Variants in ARHGAP26 observed in about 807,000 individuals in gnomAD.
ARHGAP26 encodes rho GTPase-activating protein 26.
In ARHGAP26, 38 loss-of-function variants were observed where a neutral mutation model predicts 104.8. The ratio of observed to expected loss-of-function variants is 0.36; its 90% CI spans 0.28 to 0.48. The LOEUF (loss-of-function observed/expected upper bound fraction) is 0.48. Ranked by LOEUF, ARHGAP26 falls within the 20% of genes least tolerant of loss-of-function variation. The probability of loss-of-function intolerance (pLI) is 0.99; values close to 1 mark genes in which losing one functional copy is unlikely to be tolerated. For missense variants in ARHGAP26, 704 were observed against 947.9 expected (o/e 0.74, Z 3.38); for synonymous variants, 341 against 340.0 (o/e 1.00, Z -0.03).
intron 17 of ARHGAP26, among the ~76,000 whole-genome samples, chr5:143,079,872 C>T (rs1789556847): frequency 6.6e-6 from 1 of 152,166 alleles, no homozygotes; most frequent in South Asian, 2.1e-4. Context: ...CAGGATTCTC[C>T]TGGTGCCCAA....
At chr5:143,182,648 G>T (rs1050930283) in intron 20 of ARHGAP26, among the ~76,000 whole-genome samples, 7 of 152,112 alleles carry the variant, frequency 4.6e-5, no homozygotes, top group African/African-American at 1.2e-4. Flanking sequence ...CTAGCTAATT[G>T]GCCTAGGAGA....
At chr5:143,117,335 A>ATAATGGATGGCTG (rs1049576311) in intron 17 of ARHGAP26, among the ~76,000 whole-genome samples, 8 of 152,206 alleles carry the variant, frequency 5.3e-5, no homozygotes, top group African/African-American at 1.9e-4. Context: ...TCATCGAGCT[A>ATAATGGATGGCTG]TAATGGATGG....
At chr5:143,162,363 A>G (rs1391224532) in intron 20 of ARHGAP26, among the ~76,000 whole-genome samples, 3 of 152,096 alleles carry the variant, frequency 2.0e-5, no homozygotes, top group African/African-American at 4.8e-5. Flanking sequence ...AAGTAGAATT[A>G]GAGGAAATAT....
chr5:142,933,369 A>T (rs1424226983), intron 11 of ARHGAP26, among the ~76,000 whole-genome samples: 1 of 152,192 alleles, frequency 6.6e-6, no homozygotes, highest in Non-Finnish European at 1.5e-5. Context: ...TCCATTTTAT[A>T]GATAAGTAAA....
At chr5:142,846,282 C>G (rs1771926440) in intron 1 of ARHGAP26, among the ~76,000 whole-genome samples, 1 of 152,118 alleles carries the variant, frequency 6.6e-6, no homozygotes, top group African/African-American at 2.4e-5. Flanking sequence ...GGTCACATGG[C>G]TGGAGTTGTA....
intron 10 of ARHGAP26, among the ~76,000 whole-genome samples, chr5:142,922,592 CAGTT>C (rs1240883300): frequency 6.6e-6 from 1 of 152,160 alleles, no homozygotes; most frequent in Non-Finnish European, 1.5e-5. Context: ...CAAACATGCT[CAGTT>C]AGTTGGGCCT....
chr5:142,990,429 C>T (rs245719), intron 11 of ARHGAP26, among the ~76,000 whole-genome samples: 1 of 151,954 alleles, frequency 6.6e-6, no homozygotes, highest in Non-Finnish European at 1.5e-5. Flanking sequence ...GAAGTTTATT[C>T]TTACCGATCA....
At chr5:143,149,395 C>T (rs1173030259) in intron 20 of ARHGAP26, among the ~76,000 whole-genome samples, 1 of 152,156 alleles carries the variant, frequency 6.6e-6, no homozygotes, top group Non-Finnish European at 1.5e-5. Context: ...ATACCAGCGT[C>T]TGCCATGGCC....
intron 10 of ARHGAP26, among the ~76,000 whole-genome samples, chr5:142,917,023 C>T (rs1265504399): frequency 6.7e-6 from 1 of 150,108 alleles, no homozygotes; most frequent in Non-Finnish European, 1.5e-5. Flanking sequence ...ACATTGGTGC[C>T]TCAAGACTTT....
At chr5:142,991,560 T>C (rs1349777954) in intron 11 of ARHGAP26, among the ~76,000 whole-genome samples, 1 of 152,202 alleles carries the variant, frequency 6.6e-6, no homozygotes, top group Non-Finnish European at 1.5e-5. Context: ...AGCTGTAGAC[T>C]GGAGCTGTTC....
intron 1 of ARHGAP26, among the ~76,000 whole-genome samples, chr5:142,853,458 T>C (rs1398086518): frequency 1.3e-5 from 2 of 152,212 alleles, no homozygotes; most frequent in Admixed American, 1.3e-4. Context: ...CCCAACGTGC[T>C]AGGATTATAG....
chr5:142,901,287 G>A (rs1477405736), intron 6 of ARHGAP26, among the ~76,000 whole-genome samples: 4 of 152,158 alleles, frequency 2.6e-5, no homozygotes, highest in African/African-American at 4.8e-5. Context: ...TTAGCCTGAG[G>A]GATTTAATTG....
At chr5:143,085,731 G>A (rs1320522823) in intron 17 of ARHGAP26, among the ~76,000 whole-genome samples, 1 of 152,152 alleles carries the variant, frequency 6.6e-6, no homozygotes, top group African/African-American at 2.4e-5. Flanking sequence ...CCATCTGGTT[G>A]GATTTGAGTG....
At chr5:142,826,031 AC>A (rs1561907556) in intron 1 of ARHGAP26, among the ~76,000 whole-genome samples, 1 of 152,202 alleles carries the variant, frequency 6.6e-6, no homozygotes, top group Non-Finnish European at 1.5e-5. Flanking sequence ...TTGCTGGTTA[AC>A]CCAGGGAAAA....
At chr5:143,204,845 G>A (rs1808317952) in intron 20 of ARHGAP26, among the ~76,000 whole-genome samples, 1 of 152,052 alleles carries the variant, frequency 6.6e-6, no homozygotes, top group African/African-American at 2.4e-5. Flanking sequence ...TAATTGTCCT[G>A]TGGTAACCAC....
chr5:142,931,325 T>G (rs1197296487), intron 10 of ARHGAP26, among the ~76,000 whole-genome samples: 1 of 152,230 alleles, frequency 6.6e-6, no homozygotes, highest in Non-Finnish European at 1.5e-5. Context: ...GCGCAGTCTC[T>G]TTTTCTTGCG....
chr5:143,012,552 C>CGTATATATAT (rs1554195630), intron 11 of ARHGAP26, among the ~76,000 whole-genome samples: 1 of 20,846 alleles, frequency 4.8e-5, no homozygotes, highest in South Asian at 9.9e-4. Context: ...TACATACATA[C>CGTATATATAT]ATATATATAT....
chr5:142,825,686 A>C (rs1348449594), intron 1 of ARHGAP26, among the ~76,000 whole-genome samples: 2 of 152,206 alleles, frequency 1.3e-5, no homozygotes, highest in Non-Finnish European at 2.9e-5. Flanking sequence ...TTGGAAAGCT[A>C]AATTGGCAAC....
intron 1 of ARHGAP26, among the ~76,000 whole-genome samples, chr5:142,793,232 C>T (rs1760229269): frequency 6.9e-6 from 1 of 145,086 alleles, no homozygotes. Flanking sequence ...AATTTGCCCA[C>T]TGATTGTTAT....
Sources: allele counts gnomAD v4.1 joint callset (sites outside exome capture counted in the v4.1 genomes callset), GRCh38; gene constraint gnomAD v4.1.1; transcripts MANE v1.5; gene names NCBI Gene and HGNC (gene_info 2026-07-23, HGNC 2026-07-21).